Variants in SCHIP1 observed in about 807,000 individuals in gnomAD.
The protein encoded by SCHIP1 is schwannomin-interacting protein 1.
SCHIP1 carries 8 observed loss-of-function variants against 29.7 expected under a neutral mutation model. That is an observed-to-expected ratio of 0.27 (90% CI 0.16 to 0.49). The LOEUF (loss-of-function observed/expected upper bound fraction) is 0.49. Ranked by LOEUF, SCHIP1 falls within the 20% of genes least tolerant of loss-of-function variation. The pLI is 0.99. For synonymous variants in SCHIP1, 76 were observed against 94.9 expected (o/e 0.80, Z 1.16); for missense variants, 193 against 294.6 (o/e 0.66, Z 2.52).
chr3:159,280,137 G>A, the SCHIP1 span, among the ~76,000 whole-genome samples: 1 of 152,118 alleles, frequency 6.6e-6, no homozygotes, highest in African/African-American at 2.4e-5. Context: ...AAAAAGAAAA[G>A]CCAAACTCCA....
chr3:159,547,703 G>A, the SCHIP1 span, among the ~76,000 whole-genome samples: 20 of 152,098 alleles, frequency 1.3e-4, no homozygotes, highest in South Asian at 1.0e-3. Flanking sequence ...AAGGTTTGTC[G>A]AAGATCAGAT....
the SCHIP1 span, among the ~76,000 whole-genome samples, chr3:159,718,279 T>C: frequency 6.6e-6 from 1 of 152,208 alleles, no homozygotes; most frequent in South Asian, 2.1e-4. Flanking sequence ...AATATCATAC[T>C]GAATGGGTAA....
exon 1 of SCHIP1, chr3:159,840,134 A>G: frequency 6.5e-7 from 1 of 1,533,598 alleles, no homozygotes; most frequent in East Asian, 2.5e-5. Flanking sequence ...TGCCCTCCGC[A>G]GCCTCGCTCA....
chr3:159,577,454 T>C, the SCHIP1 span, among the ~76,000 whole-genome samples: 1 of 152,168 alleles, frequency 6.6e-6, no homozygotes, highest in Non-Finnish European at 1.5e-5. Flanking sequence ...TATCACAAAA[T>C]TCCAGAGAAA....
the SCHIP1 span, among the ~76,000 whole-genome samples, chr3:159,405,683 C>T: frequency 6.6e-6 from 1 of 151,774 alleles, no homozygotes; most frequent in Admixed American, 6.6e-5. Context: ...TCGAGACCAG[C>T]CTGGCCAACA....
At chr3:159,433,551 C>A in the SCHIP1 span, among the ~76,000 whole-genome samples, 4 of 152,162 alleles carry the variant, frequency 2.6e-5, no homozygotes, top group African/African-American at 9.7e-5. Flanking sequence ...ATGATCATGT[C>A]TTTCATATAC....
the SCHIP1 span, among the ~76,000 whole-genome samples, chr3:159,364,525 T>A: frequency 6.6e-6 from 1 of 152,236 alleles, no homozygotes; most frequent in East Asian, 1.9e-4. Context: ...AGGTGTTCCA[T>A]GAACATTTGT....
At chr3:159,315,552 T>C in the SCHIP1 span, among the ~76,000 whole-genome samples, 2 of 151,722 alleles carry the variant, frequency 1.3e-5, no homozygotes, top group African/African-American at 2.4e-5. Context: ...TAATGATTTT[T>C]ATATATATAT....
the SCHIP1 span, among the ~76,000 whole-genome samples, chr3:159,381,734 T>C: frequency 6.6e-6 from 1 of 152,172 alleles, no homozygotes; most frequent in Non-Finnish European, 1.5e-5. Flanking sequence ...CAGCTGGGAC[T>C]ATAGGCATGC....
chr3:159,646,616 C>T, the SCHIP1 span, among the ~76,000 whole-genome samples: 1 of 152,142 alleles, frequency 6.6e-6, no homozygotes, highest in Admixed American at 6.6e-5. Context: ...CTTCAAACTC[C>T]ATCTTGGCAT....
chr3:159,657,194 A>C, the SCHIP1 span, among the ~76,000 whole-genome samples: 1 of 152,232 alleles, frequency 6.6e-6, no homozygotes, highest in Non-Finnish European at 1.5e-5. Flanking sequence ...TCAAGAATTA[A>C]TGTAAGTGAC....
chr3:159,572,192 A>G, the SCHIP1 span, among the ~76,000 whole-genome samples: 1 of 151,298 alleles, frequency 6.6e-6, no homozygotes, highest in Non-Finnish European at 1.5e-5. Context: ...GCTCTTCTCT[A>G]TTCCTTTTAA....
At chr3:159,678,603 CTAAT>C in the SCHIP1 span, among the ~76,000 whole-genome samples, 1 of 152,174 alleles carries the variant, frequency 6.6e-6, no homozygotes, top group Admixed American at 6.5e-5. Context: ...AGAATGTAAA[CTAAT>C]TAAACTTAAT....
At chr3:159,520,705 A>G in the SCHIP1 span, among the ~76,000 whole-genome samples, 1 of 152,298 alleles carries the variant, frequency 6.6e-6, no homozygotes, top group Admixed American at 6.5e-5. Context: ...ACAACTTTCA[A>G]CTAATTCTCC....
chr3:159,511,678 A>C, the SCHIP1 span, among the ~76,000 whole-genome samples: 1 of 152,226 alleles, frequency 6.6e-6, no homozygotes, highest in Non-Finnish European at 1.5e-5. Context: ...AACTGAACAA[A>C]ATAGAAAATC....
the SCHIP1 span, among the ~76,000 whole-genome samples, chr3:159,509,630 A>G: frequency 6.6e-6 from 1 of 152,020 alleles, no homozygotes; most frequent in Non-Finnish European, 1.5e-5. Context: ...CACGTTTAGT[A>G]CTTCCTTCAG....
chr3:159,731,813 G>A, the SCHIP1 span, among the ~76,000 whole-genome samples: 1 of 152,094 alleles, frequency 6.6e-6, no homozygotes, highest in Non-Finnish European at 1.5e-5. Flanking sequence ...CCACATAAAG[G>A]GTTTTCTGGC....
the SCHIP1 span, among the ~76,000 whole-genome samples, chr3:159,781,735 G>T: frequency 6.6e-6 from 1 of 152,124 alleles, no homozygotes; most frequent in Non-Finnish European, 1.5e-5. Context: ...ACACACATGG[G>T]TGCATCCCAG....
the SCHIP1 span, among the ~76,000 whole-genome samples, chr3:159,313,680 C>T: frequency 1.3e-5 from 2 of 152,098 alleles, no homozygotes; most frequent in African/African-American, 2.4e-5. Flanking sequence ...ATATAACTGA[C>T]CAAACCACAG....
Sources: allele counts gnomAD v4.1 joint callset (sites outside exome capture counted in the v4.1 genomes callset), GRCh38; gene constraint gnomAD v4.1.1; transcripts MANE v1.5; gene names NCBI Gene and HGNC (gene_info 2026-07-23, HGNC 2026-07-21).